Variants in NPAS3 observed in about 807,000 individuals in gnomAD.
The protein encoded by NPAS3 is neuronal PAS domain-containing protein 3.
In NPAS3, 14 loss-of-function variants were observed where a neutral mutation model predicts 73.1. The ratio of observed to expected loss-of-function variants is 0.19; its 90% confidence interval spans 0.13 to 0.30. NPAS3 has a LOEUF of 0.30. Among genes scored for constraint, NPAS3 ranks in the 10% least tolerant of loss-of-function variants. NPAS3 has a pLI of 1.00. For missense variants in NPAS3, 1,096 were observed against 1,250.0 expected (o/e 0.88, Z 1.86); for synonymous variants, 620 against 541.5 (o/e 1.14, Z -2.01).
At chr14:33,117,896 A>G (rs1211422159) in intron 2 of NPAS3, among the ~76,000 whole-genome samples, 1 of 152,032 alleles carries the variant, frequency 6.6e-6, no homozygotes, top group South Asian at 2.1e-4. Context: ...TTTCACTTCC[A>G]TATTAACTGA....
At chr14:33,507,365 G>T (rs2052815387) in intron 4 of NPAS3, among the ~76,000 whole-genome samples, 1 of 152,024 alleles carries the variant, frequency 6.6e-6, no homozygotes, top group Admixed American at 6.6e-5. Flanking sequence ...CTGCCATCTT[G>T]TGCAGGAAGT....
intron 3 of NPAS3, among the ~76,000 whole-genome samples, chr14:33,365,332 A>G (rs1008002837): frequency 6.6e-6 from 1 of 152,174 alleles, no homozygotes; most frequent in Non-Finnish European, 1.5e-5. Flanking sequence ...ATTATCAAAA[A>G]TGCCAAAGGA....
intron 4 of NPAS3, among the ~76,000 whole-genome samples, chr14:33,542,984 G>C (rs145983446): frequency 1.3e-5 from 2 of 152,324 alleles, no homozygotes; most frequent in African/African-American, 4.8e-5. Flanking sequence ...TTAGCATCAG[G>C]TGTTTTCTTT....
Position 33,800,761 on chromosome 14 carries a change from G to A in NPAS3, c.2454G>A (p.Thr818=), listed in dbSNP as rs369007519. Residue 818 remains threonine, a synonymous_variant, in exon 12 of 12, where the codon ACG becomes ACA. Coordinates refer to ENST00000356141, the Ensembl canonical transcript of NPAS3. This position sits in a 1 kb window ranked among gnomAD's most constrained non-coding sequence, Gnocchi z 6.5. ...CCGGGACCCTGGCCGCCACCAGCAC[G>A]GCCGCGCAGAGGGTCTACACCACGG... The A allele has an allele frequency of 1.9e-5, 30 of 1,569,498 alleles. No homozygotes were observed. The highest frequency in any genetic ancestry group is 2.4e-5 in the Non-Finnish European group (28 of 1,159,246).
intron 1 of NPAS3, among the ~76,000 whole-genome samples, chr14:32,947,177 T>A (rs183639801): frequency 6.6e-6 from 1 of 152,084 alleles, no homozygotes; most frequent in African/African-American, 2.4e-5. Context: ...GGATTAAGGG[T>A]CAATATAAGT....
chr14:33,032,731 C>T (rs531215783), intron 1 of NPAS3, among the ~76,000 whole-genome samples: 1 of 152,262 alleles, frequency 6.6e-6, no homozygotes, highest in Non-Finnish European at 1.5e-5. Context: ...CATATTCTTA[C>T]AGGCTGCCTT....
chr14:33,165,041 A>T (rs1408620852), intron 2 of NPAS3, among the ~76,000 whole-genome samples: 2 of 152,138 alleles, frequency 1.3e-5, no homozygotes, highest in Non-Finnish European at 1.5e-5. Flanking sequence ...TGTAAGAGAG[A>T]CAAGTTTAGC....
intron 3 of NPAS3, among the ~76,000 whole-genome samples, chr14:33,279,332 A>G (rs767386656): frequency 2.0e-5 from 3 of 152,280 alleles, no homozygotes; most frequent in East Asian, 1.9e-4. Flanking sequence ...ACCAGGCACA[A>G]TGCTAATCAT....
intron 2 of NPAS3, among the ~76,000 whole-genome samples, chr14:33,160,438 A>G (rs2044823016): frequency 6.8e-6 from 1 of 146,122 alleles, no homozygotes; most frequent in Non-Finnish European, 1.5e-5. Flanking sequence ...TAACTGTGCC[A>G]AAGAAAAGTC....
At chr14:33,183,192 G>A (rs1333851351) in intron 2 of NPAS3, among the ~76,000 whole-genome samples, 3 of 152,082 alleles carry the variant, frequency 2.0e-5, no homozygotes, top group Admixed American at 1.3e-4. Context: ...TTTGGAGGCC[G>A]AGGCAGGCGG....
At chr14:32,991,318 A>C (rs557172488) in intron 1 of NPAS3, among the ~76,000 whole-genome samples, 137 of 152,192 alleles carry the variant, frequency 9.0e-4, no homozygotes, top group African/African-American at 3.2e-3. Context: ...ATGTCCCCTA[A>C]GACTACCTTA....
At position 33,062,338 on chromosome 14, in the gene NPAS3, GTTAGT is replaced by G. The variant is rs149302472; in HGVS notation, c.140+6348_140+6352del. 5.6e-3 allele frequency among the ~76,000 whole-genome samples: 850 copies of G among 151,736 alleles called. 6 individuals are homozygous for G. Among genetic ancestry groups the G allele is most frequent in the African/African-American group, 0.019 (766 of 41,376 alleles). On this transcript the variant is annotated intron_variant, in intron 2 of 11. Coordinates refer to ENST00000356141, the Ensembl canonical transcript of NPAS3. ...GAAGGAATGTGAAATTGTGGTGTTT[GTTAGT>G]TTAAAGTTGTTTTTTATTGATAAAT...
chr14:33,526,344 C>G (rs1047365900), intron 4 of NPAS3, among the ~76,000 whole-genome samples: 4 of 136,504 alleles, frequency 2.9e-5, no homozygotes, highest in African/African-American at 1.1e-4. Context: ...TATAAAATCC[C>G]CTTTACCTTT....
intron 2 of NPAS3, among the ~76,000 whole-genome samples, chr14:33,102,303 G>A (rs1244946629): frequency 2.0e-5 from 3 of 152,152 alleles, no homozygotes; most frequent in African/African-American, 7.2e-5. Flanking sequence ...AAAGGGGGAA[G>A]CCTTGGAGAA....
At chr14:33,452,972 T>A in intron 4 of NPAS3, among the ~76,000 whole-genome samples, 1 of 152,016 alleles carries the variant, frequency 6.6e-6, no homozygotes, top group Non-Finnish European at 1.5e-5. Context: ...GAAAGGAAAT[T>A]AGGTATCCGA....
At chr14:33,532,107 C>T (rs1217011151) in intron 4 of NPAS3, among the ~76,000 whole-genome samples, 1 of 152,240 alleles carries the variant, frequency 6.6e-6, no homozygotes, top group South Asian at 2.1e-4. Flanking sequence ...CAGGCCCATT[C>T]AGAAACTCAG....
At chr14:33,588,337 C>T (rs2056941362) in intron 5 of NPAS3, among the ~76,000 whole-genome samples, 1 of 152,098 alleles carries the variant, frequency 6.6e-6, no homozygotes, top group African/African-American at 2.4e-5. Context: ...AGGGCAGATC[C>T]AAATATCCTT....
chr14:33,524,213 A>G (rs1457616968), intron 4 of NPAS3, among the ~76,000 whole-genome samples: 1 of 152,126 alleles, frequency 6.6e-6, no homozygotes, highest in Non-Finnish European at 1.5e-5. Flanking sequence ...CTACAACTGC[A>G]TCCTGTTCCT....
intron 2 of NPAS3, among the ~76,000 whole-genome samples, chr14:33,067,528 T>G (rs1377767037): frequency 6.6e-6 from 1 of 152,248 alleles, no homozygotes; most frequent in African/African-American, 2.4e-5. Flanking sequence ...TTTGCATTGT[T>G]TCACCTCACA....
Sources: gnomAD v4.1 joint callset for allele counts (sites outside exome capture counted in the v4.1 genomes callset) on GRCh38, gnomAD v4.1.1 for gene constraint, Gnocchi (gnomAD v3.1) non-coding constraint, MANE v1.5 for transcripts, NCBI Gene and HGNC (gene_info 2026-07-23, HGNC 2026-07-21) for gene names.